Variants in TLL1 observed in about 807,000 individuals in gnomAD.
TLL1 encodes tolloid like 1, also known as tolloid-like protein 1.
Under a neutral mutation model 128.2 loss-of-function variants are expected in TLL1, and 49 were observed. The ratio of observed to expected loss-of-function variants is 0.38; its 90% CI spans 0.30 to 0.48. The LOEUF (loss-of-function observed/expected upper bound fraction) is 0.48, where lower values mean the gene tolerates loss of function less well. Ranked by LOEUF, TLL1 falls within the 20% of genes least tolerant of loss-of-function variation. The pLI is 0.96. For synonymous variants in TLL1, 454 were observed against 418.8 expected (o/e 1.08, Z -1.03); for missense variants, 1,123 against 1,242.0 (o/e 0.90, Z 1.44).
intron 1 of TLL1, among the ~76,000 whole-genome samples, chr4:165,940,259 G>A (rs1733946382): frequency 1.3e-5 from 2 of 151,828 alleles, no homozygotes; most frequent in African/African-American, 4.8e-5. Context: ...TATTTAATTG[G>A]CAATTAAATC....
chr4:165,984,667 G>A (rs139723221), intron 1 of TLL1, among the ~76,000 whole-genome samples: 142 of 152,006 alleles, frequency 9.3e-4, no homozygotes, highest in Non-Finnish European at 1.7e-3. Flanking sequence ...GAATCTTTGA[G>A]CTATCTCTTC....
At chr4:165,888,045 A>G (rs994434401) in intron 1 of TLL1, among the ~76,000 whole-genome samples, 1 of 152,210 alleles carries the variant, frequency 6.6e-6, no homozygotes, top group Non-Finnish European at 1.5e-5. Context: ...TTATATGTAT[A>G]TTCTTCATAT....
Position 166,014,459 on chromosome 4 carries a change from T to TC in TLL1, c.945dup (p.Ser316LeufsTer3). 1 of 1,612,234 alleles carries TC rather than the reference T, an allele frequency of 6.2e-7. No homozygotes were observed. The highest frequency in any genetic ancestry group is 1.1e-5 in the South Asian group (1 of 91,064). On this transcript the variant is annotated frameshift_variant, in exon 8 of 21. Transcript: ENST00000061240. LOFTEE classifies it high-confidence loss of function. ...AGGGGGATGTTTCTGGATACCATTC[T>TC]CCCCTCCCGTGATGATAATGGCATA... is the stretch of plus-strand genomic sequence containing the variant.
At position 166,003,462 on chromosome 4, in the gene TLL1, T is replaced by C. The variant is rs975034938; in HGVS notation, c.704T>C (p.Phe235Ser). 1.2e-6 allele frequency: 2 copies of C among 1,614,012 alleles called. No individual in the cohort carries two copies. Among genetic ancestry groups the C allele is most frequent in the Non-Finnish European group, 1.7e-6 (2 of 1,179,956 alleles). Reference protein sequence around the residue: ...AISIGKNCDKFGIVVHELGHV... With the variant: ...AISIGKNCDKSGIVVHELGHV... Reference sequence around the variant, plus strand: ...TCTATCGGCAAGAACTGTGATAAATTTGGGATTGTTGTTCATGAATTGGGT... The same window carrying C: ...TCTATCGGCAAGAACTGTGATAAATCTGGGATTGTTGTTCATGAATTGGGT... Residue 235 changes from phenylalanine (F) to serine (S), a missense_variant, in exon 6 of 21, where the codon TTT becomes TCT. This residue lies in a region of TLL1 where 480 missense variants were observed against 542.4 expected (regional missense o/e 0.89). Coordinates refer to ENST00000061240, the MANE Select transcript of TLL1 (RefSeq NM_012464.5).
intron 1 of TLL1, among the ~76,000 whole-genome samples, chr4:165,978,181 A>AT (rs200024432): frequency 6.6e-6 from 1 of 151,774 alleles, no homozygotes; most frequent in South Asian, 2.1e-4. Flanking sequence ...CCCTGAAATC[A>AT]TTTTTTTCCA....
At position 166,060,024 on chromosome 4, in the gene TLL1, C is replaced by T; in HGVS notation, c.1847-4C>T. 6.2e-7 allele frequency: 1 copy of T among 1,613,382 alleles called. No individual in the cohort carries two copies. Reference sequence around the variant, plus strand: ...ATATACCTTTTTCTTTTCTTTTCTTCTAGCTGCTTGTGGTGGACTTCTTAC... The same window carrying T: ...ATATACCTTTTTCTTTTCTTTTCTTTTAGCTGCTTGTGGTGGACTTCTTAC... On this transcript the variant is annotated splice_polypyrimidine_tract_variant and splice_region_variant and intron_variant, in intron 14 of 20. Coordinates refer to ENST00000061240, the MANE Select transcript of TLL1 (RefSeq NM_012464.5).
intron 1 of TLL1, among the ~76,000 whole-genome samples, chr4:165,972,064 A>G (rs1319311257): frequency 6.6e-6 from 1 of 152,088 alleles, no homozygotes; most frequent in African/African-American, 2.4e-5. Context: ...ATTGCAGTCC[A>G]AGAGGCTTTC....
At chr4:165,931,244 G>A (rs1733496935) in intron 1 of TLL1, among the ~76,000 whole-genome samples, 1 of 152,140 alleles carries the variant, frequency 6.6e-6, no homozygotes, top group Non-Finnish European at 1.5e-5. Flanking sequence ...AAAAATGATA[G>A]AGAATAGTTT....
intron 16 of TLL1, 37 bp from the exon 17 acceptor site, chr4:166,074,841 G>A: frequency 2.5e-6 from 4 of 1,610,836 alleles, no homozygotes; most frequent in Non-Finnish European, 3.4e-6. Context: ...TGTTTTTAAA[G>A]TTACTTACTA....
chr4:165,996,718 T>G (rs1736898858), intron 5 of TLL1, among the ~76,000 whole-genome samples: 1 of 152,098 alleles, frequency 6.6e-6, no homozygotes, highest in African/African-American at 2.4e-5. Flanking sequence ...TGTGAGACTT[T>G]CAGGGGATAT....
At chr4:165,943,599 G>A (rs1172365188) in intron 1 of TLL1, among the ~76,000 whole-genome samples, 2 of 151,968 alleles carry the variant, frequency 1.3e-5, no homozygotes, top group Non-Finnish European at 2.9e-5. Context: ...TAAATCATGA[G>A]TCTGAGTTCT....
At chr4:166,025,464 C>T (rs1738452647) in intron 9 of TLL1, 33 bp downstream of exon 9, 1 of 1,462,454 alleles carries the variant, frequency 6.8e-7, no homozygotes. Context: ...CTATTTTATT[C>T]TTATATAAGT....
chr4:166,098,107 G>T (rs1246059710), intron 19 of TLL1, among the ~76,000 whole-genome samples: 4 of 152,038 alleles, frequency 2.6e-5, no homozygotes, highest in African/African-American at 9.7e-5. Context: ...GCTAAGGCAG[G>T]TGGATCACTT....
At chr4:165,998,798 A>C (rs76582409) in intron 5 of TLL1, among the ~76,000 whole-genome samples, 1 of 140,558 alleles carries the variant, frequency 7.1e-6, no homozygotes, top group South Asian at 2.2e-4. Flanking sequence ...CTCTGTCTTC[A>C]AAAAAAAAAA....
chr4:166,046,142 T>G (rs138561171), intron 12 of TLL1, among the ~76,000 whole-genome samples: 6 of 152,298 alleles, frequency 3.9e-5, no homozygotes, highest in East Asian at 3.9e-4. Context: ...TTTGTGAGAT[T>G]AATGTTGGGT....
At position 165,969,819 on chromosome 4, in the gene TLL1, A is replaced by G. The variant is rs752850171; in HGVS notation, c.170-19562A>G. Among the ~76,000 whole-genome samples the G allele has an allele frequency of 2.6e-5, 4 of 152,262 alleles. No homozygotes were observed. The Middle Eastern group carries it at 0.014, about 518-fold the overall frequency. On this transcript the variant is annotated intron_variant, in intron 1 of 20. Coordinates refer to ENST00000061240, the MANE Select transcript of TLL1 (RefSeq NM_012464.5). Reference sequence around the variant, plus strand: ...AATGTTAACTTATTAATTTTTATTAACTTATTAAAGTTTAACTCGTCCTTT... The same window carrying G: ...AATGTTAACTTATTAATTTTTATTAGCTTATTAAAGTTTAACTCGTCCTTT...
rs142045120 is a variant in TLL1, at chr4:166,009,080, G to A, written c.917+1032G>A. The stretch of plus-strand genomic sequence containing the variant: ...TAAAGTACATTATTTATAGACATAC[G>A]CATTCATTTGTTAAAATATAATTAA... On this transcript the variant is annotated intron_variant, in intron 7 of 20. Transcript: ENST00000061240. Among the ~76,000 whole-genome samples, 112 of 151,286 alleles carry A rather than the reference G, an allele frequency of 7.4e-4. 2 individuals carry two copies. The East Asian group carries it at 0.02, about 27-fold the overall frequency.
chr4:165,951,259 T>TA (rs893961301), intron 1 of TLL1, among the ~76,000 whole-genome samples: 1 of 152,096 alleles, frequency 6.6e-6, no homozygotes, highest in Non-Finnish European at 1.5e-5. Context: ...TTTAAAATCT[T>TA]ACAAACAGAG....
chr4:165,918,100 A>T (rs1319726892), intron 1 of TLL1, among the ~76,000 whole-genome samples: 1 of 152,188 alleles, frequency 6.6e-6, no homozygotes, highest in Non-Finnish European at 1.5e-5. Flanking sequence ...GCATAAGAAG[A>T]TAGTATAGTA....
Sources: allele counts gnomAD v4.1 joint callset (sites outside exome capture counted in the v4.1 genomes callset), GRCh38; gene constraint gnomAD v4.1.1; regional missense constraint gnomAD v4.1.1; transcripts MANE v1.5; gene names NCBI Gene and HGNC (gene_info 2026-07-23, HGNC 2026-07-21).